The following RYR2 variants were observed in gnomAD, a reference collection of about 807,000 sequenced individuals.
The protein encoded by RYR2 is ryanodine receptor 2, also known as cardiac muscle ryanodine receptor-calcium release channel.
Under a neutral mutation model 601.1 loss-of-function variants are expected in RYR2, and 227 were observed. The observed-to-expected ratio is 0.38, with a 90% CI of 0.34 to 0.42. The LOEUF is 0.42. RYR2 is among the 10% of genes least tolerant of loss of function. RYR2 has a pLI of 1.00. For missense variants in RYR2, 4,646 were observed against 6,156.5 expected, an observed-to-expected ratio of 0.75 and a Z score of 8.21; for synonymous variants, 2,223 against 2,175.1, an observed-to-expected ratio of 1.02 and a Z score of -0.61.
At chr1:237,779,922 T>C (rs1694960776) in intron 88 of RYR2, among the ~76,000 whole-genome samples, 1 of 152,170 alleles carries the variant, frequency 6.6e-6, no homozygotes, top group East Asian at 1.9e-4. Flanking sequence ...AAAAGGTTCA[T>C]TGGTGTAAAT....
chr1:237,437,185 C>T (rs1011965093), intron 12 of RYR2, among the ~76,000 whole-genome samples: 17 of 152,030 alleles, frequency 1.1e-4, no homozygotes, highest in South Asian at 8.3e-4. Flanking sequence ...GCTGGGACTA[C>T]AGGCACCCGC....
intron 26 of RYR2, among the ~76,000 whole-genome samples, chr1:237,550,099 C>T (rs1303391796): frequency 6.6e-6 from 1 of 152,166 alleles, no homozygotes; most frequent in African/African-American, 2.4e-5. Context: ...TGGTCCATAA[C>T]ACGCTGGAAT....
chr1:237,059,806 CATG>C (rs1190257998), intron 1 of RYR2, among the ~76,000 whole-genome samples: 1 of 152,130 alleles, frequency 6.6e-6, no homozygotes, highest in Non-Finnish European at 1.5e-5. Context: ...ATTTTTACTG[CATG>C]ATAATACTAT....
At chr1:237,472,733 AAAG>A (rs1478505158) in intron 17 of RYR2, among the ~76,000 whole-genome samples, 1 of 151,982 alleles carries the variant, frequency 6.6e-6, no homozygotes, top group African/African-American at 2.4e-5. Flanking sequence ...TGAAAAGAGG[AAAG>A]AAGGGGCAAA....
rs1307941326 is a variant in RYR2, at chr1:237,208,948, A to G, written c.49-61549A>G. 3.2e-3 allele frequency among the ~76,000 whole-genome samples: 301 copies of G among 94,188 alleles called. 3 individuals carry two copies. The highest frequency in any genetic ancestry group is 6.0e-3 in the South Asian group (17 of 2,844). The allele number at this position is 94,188 out of a possible 152,430, so 61.8% of individuals were successfully genotyped here. ...CAAATGTGTGTGTGTATATATATAT[A>G]TATATATATATATATATATATATAT... On this transcript the variant is annotated intron_variant, in intron 1 of 104. Transcript: ENST00000366574.
chr1:237,729,762 A>C (rs1409682360), intron 76 of RYR2, among the ~76,000 whole-genome samples: 1 of 152,116 alleles, frequency 6.6e-6, no homozygotes, highest in Non-Finnish European at 1.5e-5. Context: ...GTACTCCCAT[A>C]AAGTTCACTT....
intron 1 of RYR2, among the ~76,000 whole-genome samples, chr1:237,266,402 T>A (rs1689064192): frequency 6.6e-6 from 1 of 152,146 alleles, no homozygotes; most frequent in African/African-American, 2.4e-5. Context: ...CTCATGTGCA[T>A]TTCATATATA....
chr1:237,247,370 A>G (rs558625043), intron 1 of RYR2, among the ~76,000 whole-genome samples: 157 of 152,076 alleles, frequency 1.0e-3, no homozygotes, highest in Non-Finnish European at 1.9e-3. Flanking sequence ...TAGAGTGCCC[A>G]CTCTCCCTTT....
At chr1:237,616,660 T>C (rs956108321) in intron 37 of RYR2, among the ~76,000 whole-genome samples, 2 of 152,190 alleles carry the variant, frequency 1.3e-5, no homozygotes, top group Non-Finnish European at 2.9e-5. Flanking sequence ...CTTTCCCTTA[T>C]ATATTTCATT....
rs546211759 is a variant in RYR2, at chr1:237,390,514, T to TTATTATTTAGTCTGTTGC, written c.773+2346_773+2363dup. 8.5e-3 allele frequency among the ~76,000 whole-genome samples: 1,250 copies of TTATTATTTAGTCTGTTGC among 147,494 alleles called. 24 individuals carry two copies. The highest frequency in any genetic ancestry group is 0.033 in the African/African-American group (1,209 of 37,014). On this transcript the variant is annotated intron_variant, in intron 10 of 104. Coordinates refer to ENST00000366574, the MANE Select transcript of RYR2 (RefSeq NM_001035.3). ...TATTGAGAAATCAACACATTTATTG[T>TTATTATTTAGTCTGTTGC]TATTATTTAGTCTGTTGCTATTATT...
chr1:237,453,038 G>T (rs940826539), intron 14 of RYR2, among the ~76,000 whole-genome samples: 7 of 151,948 alleles, frequency 4.6e-5, no homozygotes, highest in Admixed American at 2.0e-4. Context: ...AATCGTTTTT[G>T]AATTTTATTC....
Position 237,819,306 on chromosome 1 carries a change from C to A in RYR2, c.14590+114C>A. On this transcript the variant is annotated intron_variant, in intron 101 of 104. Coordinates refer to ENST00000366574, the MANE Select transcript of RYR2 (RefSeq NM_001035.3). This position sits in a 1 kb window ranked among gnomAD's most constrained non-coding sequence, Gnocchi z 4.0. ...CAAGTGTTTCCTGGCAAAGCCAAAT[C>A]AAACTTTTCCTTCCAGTATTTCTTC... 1 of 977,756 alleles carries A rather than the reference C, an allele frequency of 1.0e-6. No homozygotes were observed. Among genetic ancestry groups the A allele is most frequent in the Non-Finnish European group, 1.5e-6 (1 of 646,106 alleles). 60.6% of individuals were successfully genotyped at this position (977,756 alleles called of 1,614,324 possible). A position where few individuals can be genotyped will look rare whatever the true frequency, so the allele number is the denominator to read the frequency against.
At chr1:237,101,533 AC>A (rs1446092641) in intron 1 of RYR2, among the ~76,000 whole-genome samples, 1 of 152,206 alleles carries the variant, frequency 6.6e-6, no homozygotes, top group Non-Finnish European at 1.5e-5. Flanking sequence ...GCAAACACAC[AC>A]ACACTCTCGA....
At chr1:237,056,573 A>ACACTGCACCTGTGAGGACTGCAG (rs1309769011) in intron 1 of RYR2, among the ~76,000 whole-genome samples, 11 of 9,768 alleles carry the variant, frequency 1.1e-3, no homozygotes, top group African/African-American at 3.3e-3. Context: ...GAGGACTGGA[A>ACACTGCACCTGTGAGGACTGCAG]CACTGCACCT....
At chr1:237,280,023 T>C (rs1278531982) in intron 2 of RYR2, among the ~76,000 whole-genome samples, 1 of 152,258 alleles carries the variant, frequency 6.6e-6, no homozygotes, top group African/African-American at 2.4e-5. Flanking sequence ...TCTTTCTGTT[T>C]CTTCCAATTT....
chr1:237,092,772 C>T (rs900648858), intron 1 of RYR2, among the ~76,000 whole-genome samples: 6 of 152,176 alleles, frequency 3.9e-5, no homozygotes, highest in Non-Finnish European at 5.9e-5. Context: ...CTCTAGTGAT[C>T]CACCTGCCTC....
At chr1:237,261,262 T>C (rs1356165475) in intron 1 of RYR2, among the ~76,000 whole-genome samples, 2 of 152,182 alleles carry the variant, frequency 1.3e-5, no homozygotes, top group African/African-American at 4.8e-5. Context: ...GTGACCCCCC[T>C]TGGGTAACTG....
At chr1:237,514,129 G>A (rs888870108) in intron 24 of RYR2, among the ~76,000 whole-genome samples, 1 of 152,174 alleles carries the variant, frequency 6.6e-6, no homozygotes, top group African/African-American at 2.4e-5. Context: ...ATTTAGCTTA[G>A]TAATTCATAG....
intron 2 of RYR2, among the ~76,000 whole-genome samples, chr1:237,288,163 C>A (rs1691767463): frequency 6.6e-6 from 1 of 152,158 alleles, no homozygotes; most frequent in African/African-American, 2.4e-5. Flanking sequence ...ATGATGTGAA[C>A]CTTCTATGAG....
Sources: allele counts gnomAD v4.1 joint callset (sites outside exome capture counted in the v4.1 genomes callset), GRCh38; gene constraint gnomAD v4.1.1; non-coding constraint Gnocchi (gnomAD v3.1); transcripts MANE v1.5; gene names NCBI Gene and HGNC (gene_info 2026-07-23, HGNC 2026-07-21).